Variants in ATG7 observed in about 807,000 individuals in gnomAD.
ATG7 encodes autophagy related 7, also known as ubiquitin-like modifier-activating enzyme ATG7.
Under a neutral mutation model 82.4 loss-of-function variants are expected in ATG7, and 70 were observed. The ratio of observed to expected loss-of-function variants is 0.85; its 90% CI spans 0.70 to 1.04. The LOEUF (loss-of-function observed/expected upper bound fraction) is 1.04. ATG7 is among the 50% of genes least tolerant of loss of function. The probability of loss-of-function intolerance (pLI) is 0.00; values close to 1 mark genes in which losing one functional copy is unlikely to be tolerated. For synonymous variants in ATG7, 287 were observed against 313.0 expected, an observed-to-expected ratio of 0.92 and a Z score of 0.88; for missense variants, 792 against 864.3, an observed-to-expected ratio of 0.92 and a Z score of 1.05.
At chr3:11,482,452 G>A (rs2089113921) in intron 20 of ATG7, among the ~76,000 whole-genome samples, 1 of 152,112 alleles carries the variant, frequency 6.6e-6, no homozygotes, top group Admixed American at 6.5e-5. Context: ...TATCTTTTTG[G>A]TGGGTACTTT....
intron 8 of ATG7, among the ~76,000 whole-genome samples, chr3:11,314,382 T>G (rs1400918415): frequency 6.7e-6 from 1 of 149,378 alleles, no homozygotes; most frequent in Non-Finnish European, 1.5e-5. Flanking sequence ...CTTGGAGCTG[T>G]TCAGGGAGCA....
At chr3:11,501,384 G>A (rs923484654) in intron 20 of ATG7, among the ~76,000 whole-genome samples, 7 of 152,234 alleles carry the variant, frequency 4.6e-5, no homozygotes, top group Admixed American at 4.6e-4. Flanking sequence ...GTAGATACTA[G>A]CTGTTATTAT....
Position 11,497,712 on chromosome 3 carries a change from C to T in ATG7, c.2080-57099C>T, listed in dbSNP as rs549021912. ...TTCATTTTAAATGTTGTTTGTGAGCCGTTGTTGAAGGGCAACTTTGGTACA... is the reference window on the plus strand; with the variant it reads ...TTCATTTTAAATGTTGTTTGTGAGCTGTTGTTGAAGGGCAACTTTGGTACA... On this transcript the variant is annotated intron_variant, in intron 20 of 20. Coordinates refer to ENST00000693202, the MANE Select transcript of ATG7 (RefSeq NM_001349232.2). Among the ~76,000 whole-genome samples the T allele has an allele frequency of 8.6e-5, 13 of 151,794 alleles. No individual in the cohort carries two copies. In the East Asian group the frequency reaches 1.4e-3, roughly 16 times the overall value.
downstream of ATG7, chr3:11,558,657 C>A (rs759514138): frequency 1.2e-6 from 2 of 1,612,662 alleles, no homozygotes. Flanking sequence ...CTGGATGCTC[C>A]GTCCTTGGCC....
intron 20 of ATG7, among the ~76,000 whole-genome samples, chr3:11,488,651 C>G (rs954597733): frequency 3.3e-5 from 5 of 152,162 alleles, no homozygotes; most frequent in African/African-American, 1.2e-4. Context: ...GCGCCGTGAC[C>G]TCCTCTCAAG....
At chr3:11,493,409 G>T (rs143063225) in intron 20 of ATG7, among the ~76,000 whole-genome samples, 6 of 152,302 alleles carry the variant, frequency 3.9e-5, no homozygotes, top group South Asian at 2.1e-4. Flanking sequence ...TTTGCAAAAG[G>T]CAACATTCAA....
intron 20 of ATG7, among the ~76,000 whole-genome samples, chr3:11,509,130 G>A (rs938025020): frequency 1.3e-5 from 2 of 152,210 alleles, no homozygotes; most frequent in African/African-American, 4.8e-5. Context: ...CCCAGGTCAT[G>A]GGTTGGTTTT....
At chr3:11,466,684 G>T (rs1320369282) in intron 20 of ATG7, among the ~76,000 whole-genome samples, 1 of 152,194 alleles carries the variant, frequency 6.6e-6, no homozygotes, top group East Asian at 1.9e-4. Context: ...TTCTCAGAGG[G>T]TTGTATGAAG....
rs2072472981 is a variant in ATG7, at chr3:11,556,878, G to A, written c.*2035G>A. 6.5e-6 allele frequency: 1 copy of A among 152,790 alleles called. No homozygotes were observed. The highest frequency in any genetic ancestry group is 1.5e-5 in the Non-Finnish European group (1 of 68,032). 9.5% of individuals were successfully genotyped at this position (152,790 alleles called of 1,614,324 possible). On this transcript the variant is annotated 3_prime_UTR_variant, in exon 21 of 21. Transcript: ENST00000693202. Reference sequence around the variant, plus strand: ...TGGGAGTGAAATGTGTGCGGGGCAAGGAGAAGGGCTTTTCTTTCCTCCACT... The same window carrying A: ...TGGGAGTGAAATGTGTGCGGGGCAAAGAGAAGGGCTTTTCTTTCCTCCACT...
Position 11,449,533 on chromosome 3 carries a change from A to G in ATG7, c.2079+22607A>G, listed in dbSNP as rs192894341. 2.7e-4 allele frequency among the ~76,000 whole-genome samples: 41 copies of G among 152,294 alleles called. 1 individual carries two copies. Among genetic ancestry groups the G allele is most frequent in the Admixed American group, 9.2e-4 (14 of 15,296 alleles). On this transcript the variant is annotated intron_variant, in intron 20 of 20. Transcript: ENST00000693202. ...TATGATTGGTTTTAGTTAGTATACA[A>G]AGAAGCTTCTCATGTTCCATACAAT...
intron 20 of ATG7, among the ~76,000 whole-genome samples, chr3:11,427,494 T>TG (rs1409020935): frequency 1.3e-5 from 2 of 151,364 alleles, no homozygotes; most frequent in Admixed American, 6.6e-5. Flanking sequence ...TTGCATCATT[T>TG]TTTTTTTTTT....
intron 19 of ATG7, among the ~76,000 whole-genome samples, chr3:11,424,050 A>G (rs1043131289): frequency 3.3e-5 from 5 of 152,140 alleles, no homozygotes; most frequent in African/African-American, 1.2e-4. Context: ...CTCGGGTCAC[A>G]GAGGACTTCC....
intron 20 of ATG7, among the ~76,000 whole-genome samples, chr3:11,432,036 G>C (rs896120152): frequency 6.6e-6 from 1 of 152,168 alleles, no homozygotes; most frequent in Non-Finnish European, 1.5e-5. Flanking sequence ...CTGCTGTTGA[G>C]ATTAGCAGGC....
At chr3:11,436,987 T>C (rs924637014) in intron 20 of ATG7, among the ~76,000 whole-genome samples, 2 of 152,190 alleles carry the variant, frequency 1.3e-5, no homozygotes, top group Admixed American at 1.3e-4. Flanking sequence ...TAGATAGTGA[T>C]GATGGTTGCA....
At chr3:11,316,239 G>A (rs1208371477) in intron 9 of ATG7, among the ~76,000 whole-genome samples, 1 of 152,088 alleles carries the variant, frequency 6.6e-6, no homozygotes, top group Non-Finnish European at 1.5e-5. Flanking sequence ...TTGACCAAGA[G>A]CATAATGGTG....
chr3:11,402,666 A>G (rs1200780575), intron 19 of ATG7, among the ~76,000 whole-genome samples: 1 of 152,236 alleles, frequency 6.6e-6, no homozygotes, highest in East Asian at 1.9e-4. Flanking sequence ...CCAAAAATAT[A>G]AAATCACAGA....
chr3:11,399,596 T>C (rs2079623446), intron 19 of ATG7, among the ~76,000 whole-genome samples: 1 of 151,954 alleles, frequency 6.6e-6, no homozygotes, highest in African/African-American at 2.4e-5. Flanking sequence ...CTTCCTTTTT[T>C]GACAGTCTCA....
chr3:11,322,583 T>G (rs573251195), intron 9 of ATG7, among the ~76,000 whole-genome samples: 1 of 152,362 alleles, frequency 6.6e-6, no homozygotes, highest in Admixed American at 6.5e-5. Context: ...GTATTTTGTT[T>G]TATTGTAGCA....
intron 1 of ATG7, among the ~76,000 whole-genome samples, chr3:11,273,585 T>A: frequency 6.6e-6 from 1 of 152,362 alleles, no homozygotes; most frequent in East Asian, 1.9e-4. Context: ...TTTTGTCATG[T>A]TTTGTTATAT....
Sources: allele counts gnomAD v4.1 joint callset (sites outside exome capture counted in the v4.1 genomes callset), GRCh38; gene constraint gnomAD v4.1.1; transcripts MANE v1.5; gene names NCBI Gene and HGNC (gene_info 2026-07-23, HGNC 2026-07-21).